Variants in RBFOX1 observed in about 807,000 individuals in gnomAD.
The protein encoded by RBFOX1 is RNA binding protein fox-1 homolog 1.
A neutral mutation model predicts 57.7 loss-of-function variants in RBFOX1; 8 were observed. The ratio of observed to expected loss-of-function variants is 0.14; its 90% CI spans 0.08 to 0.25. The LOEUF is 0.25. Ranked by LOEUF, RBFOX1 falls within the 10% of genes least tolerant of loss-of-function variation. The probability of loss-of-function intolerance (pLI) is 1.00; values close to 1 mark genes in which losing one functional copy is unlikely to be tolerated. For missense variants in RBFOX1, 611 were observed against 548.5 expected (o/e 1.11, Z -1.14); for synonymous variants, 326 against 222.4 (o/e 1.47, Z -4.15).
In RBFOX1 at chr16:6,040,702, C is replaced by T. The variant is rs188065587; in HGVS notation, c.-127+20710C>T. On this transcript the variant is annotated intron_variant, in intron 1 of 15. Coordinates refer to ENST00000550418, the MANE Select transcript of RBFOX1 (RefSeq NM_018723.4). ...CTCTGCCTCCTGAGTTCAAGTGATT[C>T]TCCTGCCTTAGACTCCTGAGTAGCT... Among the ~76,000 whole-genome samples, 371 of 150,936 alleles carry T rather than the reference C, an allele frequency of 2.5e-3. 1 individual carries two copies. Among genetic ancestry groups the T allele is most frequent in the Middle Eastern group, 0.01 (3 of 292 alleles).
At chr16:7,257,938 A>T (rs774816199) in intron 4 of RBFOX1, among the ~76,000 whole-genome samples, 1 of 152,128 alleles carries the variant, frequency 6.6e-6, no homozygotes, top group Non-Finnish European at 1.5e-5. Context: ...CTTTCAAGGG[A>T]GGAAAGGGGG....
chr16:6,258,790 A>G (rs1447042965), intron 1 of RBFOX1, among the ~76,000 whole-genome samples: 2 of 152,242 alleles, frequency 1.3e-5, no homozygotes, highest in Non-Finnish European at 2.9e-5. Context: ...CAAGGGATGC[A>G]TGCTTGAAGA....
At chr16:6,797,538 C>T (rs540368921) in intron 3 of RBFOX1, among the ~76,000 whole-genome samples, 4 of 152,146 alleles carry the variant, frequency 2.6e-5, no homozygotes, top group Non-Finnish European at 4.4e-5. Context: ...TCATTTACTG[C>T]ACCTATTATA....
chr16:7,623,667 C>T (rs560465825), intron 10 of RBFOX1, among the ~76,000 whole-genome samples: 3 of 152,256 alleles, frequency 2.0e-5, no homozygotes, highest in South Asian at 2.1e-4. Flanking sequence ...CAGTAGGGTC[C>T]GTGGCCCAGG....
chr16:6,173,199 C>T (rs1387025564), intron 1 of RBFOX1, among the ~76,000 whole-genome samples: 1 of 152,130 alleles, frequency 6.6e-6, no homozygotes, highest in East Asian at 1.9e-4. Context: ...CCCAGGATTA[C>T]AGCGGCGTGG....
At chr16:6,779,412 A>T (rs375499725) in intron 3 of RBFOX1, among the ~76,000 whole-genome samples, 2 of 151,798 alleles carry the variant, frequency 1.3e-5, no homozygotes, top group African/African-American at 4.8e-5. Flanking sequence ...CATTCGGTTC[A>T]TACATTGGTG....
chr16:7,364,378 C>T (rs1042686921), intron 4 of RBFOX1, among the ~76,000 whole-genome samples: 9 of 152,086 alleles, frequency 5.9e-5, no homozygotes, highest in African/African-American at 4.8e-5. Flanking sequence ...AAAAAAATGA[C>T]TACATTATGG....
At chr16:7,332,584 C>G (rs1350216860) in intron 4 of RBFOX1, among the ~76,000 whole-genome samples, 1 of 152,064 alleles carries the variant, frequency 6.6e-6, no homozygotes, top group Non-Finnish European at 1.5e-5. Context: ...AGACCCCATC[C>G]CTTGCTCTTT....
intron 2 of RBFOX1, among the ~76,000 whole-genome samples, chr16:6,528,661 A>G (rs2096615000): frequency 6.6e-6 from 1 of 152,140 alleles, no homozygotes; most frequent in Admixed American, 6.5e-5. Context: ...TCTTGATATC[A>G]CTTGTGCTAG....
chr16:7,330,527 G>T (rs1265718079), intron 4 of RBFOX1, among the ~76,000 whole-genome samples: 12 of 138,768 alleles, frequency 8.6e-5, no homozygotes, highest in East Asian at 6.2e-4. Context: ...TGTGTGTGTA[G>T]AGAGAGAGAG....
chr16:6,916,255 A>G (rs926779445), intron 3 of RBFOX1, among the ~76,000 whole-genome samples: 1 of 152,182 alleles, frequency 6.6e-6, no homozygotes, highest in East Asian at 1.9e-4. Context: ...GCAGATTAGC[A>G]TCCAAGATGG....
intron 3 of RBFOX1, among the ~76,000 whole-genome samples, chr16:5,764,764 C>A (rs2053717509): frequency 6.6e-6 from 1 of 151,882 alleles, no homozygotes. Context: ...TGAAGAAAAT[C>A]TGCCCTGCCT....
intron 1 of RBFOX1, among the ~76,000 whole-genome samples, chr16:5,314,712 G>T (rs528497629): frequency 6.6e-6 from 1 of 151,872 alleles, no homozygotes; most frequent in East Asian, 1.9e-4. Flanking sequence ...TGTTGCCTAG[G>T]CTGGCCTTGA....
At position 7,630,879 on chromosome 16, in the gene RBFOX1, C is replaced by T. The variant is rs561184970; in HGVS notation, c.757+196C>T. On this transcript the variant is annotated intron_variant, in intron 11 of 15. Coordinates refer to ENST00000550418, the MANE Select transcript of RBFOX1 (RefSeq NM_018723.4). ...TGTCCTGGACATTCTCTGTTAGATC[C>T]GTCAGGATTGGGTCCAATGGTTGGG... Among the ~76,000 whole-genome samples, 176 of 152,200 alleles carry T rather than the reference C, an allele frequency of 1.2e-3. 1 individual carries two copies. The highest frequency in any genetic ancestry group is 2.0e-3 in the Non-Finnish European group (133 of 68,018).
intron 1 of RBFOX1, among the ~76,000 whole-genome samples, chr16:5,442,226 A>G (rs1045229475): frequency 1.3e-5 from 2 of 152,192 alleles, no homozygotes; most frequent in African/African-American, 4.8e-5. Context: ...GAGGGGGAGG[A>G]TGTAGAAGGG....
intron 5 of RBFOX1, among the ~76,000 whole-genome samples, chr16:7,546,420 A>C (rs550787259): frequency 1.3e-5 from 2 of 152,340 alleles, no homozygotes; most frequent in African/African-American, 4.8e-5. Context: ...CAGCTGTTGC[A>C]GATCAAGAAA....
intron 4 of RBFOX1, among the ~76,000 whole-genome samples, chr16:7,249,972 G>T (rs193279489): frequency 5.3e-5 from 8 of 152,260 alleles, no homozygotes; most frequent in Admixed American, 5.2e-4. Context: ...TAATAATGAA[G>T]AGAAGCATTA....
chr16:7,347,527 A>G (rs1053824195), intron 4 of RBFOX1, among the ~76,000 whole-genome samples: 15 of 152,114 alleles, frequency 9.9e-5, no homozygotes, highest in Non-Finnish European at 2.1e-4. Context: ...ACAATTCAAG[A>G]TGAGACTTGG....
intron 1 of RBFOX1, among the ~76,000 whole-genome samples, chr16:6,084,054 C>G (rs1037007920): frequency 2.6e-5 from 4 of 152,134 alleles, no homozygotes; most frequent in Admixed American, 1.3e-4. Flanking sequence ...CTTTGCTACT[C>G]AACACTTTTT....
Sources: gnomAD v4.1 joint callset for allele counts (sites outside exome capture counted in the v4.1 genomes callset) on GRCh38, gnomAD v4.1.1 for gene constraint, MANE v1.5 for transcripts, NCBI Gene and HGNC (gene_info 2026-07-23, HGNC 2026-07-21) for gene names.